ENPP1: variants seen among roughly 807,000 people sequenced by gnomAD.
ENPP1 encodes the protein ectonucleotide pyrophosphatase/phosphodiesterase 1, also known as ectonucleotide pyrophosphatase/phosphodiesterase family member 1.
In ENPP1, 73 loss-of-function variants were observed where a neutral mutation model predicts 122.8. The observed-to-expected ratio is 0.59, with a 90% confidence interval of 0.49 to 0.72. The LOEUF (loss-of-function observed/expected upper bound fraction) is 0.72. ENPP1 is among the 30% of genes least tolerant of loss of function. The probability of loss-of-function intolerance (pLI) is 0.00; values close to 1 mark genes in which losing one functional copy is unlikely to be tolerated. For missense variants in ENPP1, 978 were observed against 1,128.1 expected (o/e 0.87, Z 1.91); for synonymous variants, 367 against 391.6 (o/e 0.94, Z 0.74).
At chr6:131,856,666 A>G (rs1228915863) in intron 6 of ENPP1, among the ~76,000 whole-genome samples, 1 of 141,400 alleles carries the variant, frequency 7.1e-6, no homozygotes, top group Non-Finnish European at 1.5e-5. Context: ...TGATTTTTGT[A>G]TAAGGTGTAA....
intron 1 of ENPP1, among the ~76,000 whole-genome samples, chr6:131,823,906 T>C (rs1781512509): frequency 6.6e-6 from 1 of 151,030 alleles, no homozygotes; most frequent in South Asian, 2.1e-4. Context: ...ACCTCACAGG[T>C]TTGTTTTGAG....
In ENPP1 at chr6:131,808,242, C is replaced by T. The variant is rs1781305011; in HGVS notation, c.207C>T (p.Ala69=). 1 of 1,518,894 alleles carries T rather than the reference C, an allele frequency of 6.6e-7. No homozygotes were observed. The highest frequency in any genetic ancestry group is 8.8e-7 in the Non-Finnish European group (1 of 1,133,166). 94.1% of individuals were successfully genotyped at this position (1,518,894 alleles called of 1,614,324 possible). Residue 69 remains alanine (A), a synonymous_variant, in exon 1 of 25, where the codon GCC becomes GCT. Coordinates refer to ENST00000647893, the MANE Select transcript of ENPP1 (RefSeq NM_006208.3). The stretch of plus-strand genomic sequence containing the variant: ...AGAAGGCGGCGCGCGCCCGCACTGC[C>T]AAGGACCCCAACACCTATAAAGTAC... ...PLEKAARART[A]KDPNTYKVLS... is the part of the protein sequence containing the mutation.
chr6:131,828,370 TG>T, intron 1 of ENPP1: 1 of 401,084 alleles, frequency 2.5e-6, no homozygotes, highest in South Asian at 2.4e-5. Flanking sequence ...ATAAGATGAC[TG>T]GGTGTCTGCT....
At chr6:131,887,864 C>CTTTT (rs576073873) in intron 24 of ENPP1, among the ~76,000 whole-genome samples, 2 of 104,708 alleles carry the variant, frequency 1.9e-5, no homozygotes, top group African/African-American at 4.0e-5. Flanking sequence ...CGTGCCTGGC[C>CTTTT]TTTTTTTTTT....
intron 1 of ENPP1, among the ~76,000 whole-genome samples, chr6:131,844,218 T>C (rs1006081697): frequency 5.3e-5 from 8 of 152,252 alleles, no homozygotes; most frequent in Non-Finnish European, 1.2e-4. Flanking sequence ...TAGCTTTGCA[T>C]GATTCTCTGA....
chr6:131,886,823 A>ACTC, intron 24 of ENPP1, 99 bp downstream of exon 24: 1 of 913,006 alleles, frequency 1.1e-6, no homozygotes, highest in Non-Finnish European at 1.6e-6. Context: ...AGAAAGCACA[A>ACTC]CTGAGTACAC....
chr6:131,864,766 G>T, intron 10 of ENPP1, 100 bp from the exon 11 acceptor site: 2 of 872,688 alleles, frequency 2.3e-6, no homozygotes, highest in South Asian at 2.7e-5. Context: ...TGTTACACCA[G>T]TGTTATAAAA....
intron 1 of ENPP1, among the ~76,000 whole-genome samples, chr6:131,832,480 A>C (rs963806406): frequency 6.6e-6 from 1 of 152,180 alleles, no homozygotes; most frequent in Non-Finnish European, 1.5e-5. Context: ...AAGATCTGGG[A>C]GAAGGAGAAA....
chr6:131,886,797 C>A, intron 24 of ENPP1, 73 bp downstream of exon 24: 1 of 1,318,072 alleles, frequency 7.6e-7, no homozygotes, highest in Non-Finnish European at 1.1e-6. Flanking sequence ...TGTCACCCAT[C>A]TGACATTACA....
intron 1 of ENPP1, among the ~76,000 whole-genome samples, chr6:131,822,673 TAGAC>T (rs1781496970): frequency 6.6e-6 from 1 of 152,150 alleles, no homozygotes; most frequent in South Asian, 2.1e-4. Context: ...TTACCATTGA[TAGAC>T]AGCTTTCTAA....
chr6:131,847,947 AT>A, intron 2 of ENPP1, 99 bp downstream of exon 2: 1 of 904,646 alleles, frequency 1.1e-6, no homozygotes, highest in Admixed American at 2.0e-5. Flanking sequence ...ATTATCTCCT[AT>A]TCCTATGGGT....
At chr6:131,813,674 C>T (rs540898022) in intron 1 of ENPP1, among the ~76,000 whole-genome samples, 11 of 152,224 alleles carry the variant, frequency 7.2e-5, no homozygotes, top group African/African-American at 1.9e-4. Flanking sequence ...GACGTTTTCG[C>T]GGTCTTATTT....
At chr6:131,865,577 C>T (rs1782078164) in intron 11 of ENPP1, among the ~76,000 whole-genome samples, 1 of 152,218 alleles carries the variant, frequency 6.6e-6, no homozygotes, top group Admixed American at 6.5e-5. Context: ...CACTTTAAAA[C>T]AGCAAACACT....
rs1045159062 is a variant in ENPP1, at chr6:131,852,121, A to G, written c.557-54A>G. 60 of 1,171,470 alleles carry G rather than the reference A, an allele frequency of 5.1e-5. No individual in the cohort carries two copies. The African/African-American group carries it at 8.9e-4, about 17-fold the overall frequency. The allele number at this position is 1,171,470 out of a possible 1,614,324, so 72.6% of individuals were successfully genotyped here. On this transcript the variant is annotated intron_variant, in intron 4 of 24. Coordinates refer to ENST00000647893, the MANE Select transcript of ENPP1 (RefSeq NM_006208.3). ...TGTCTTAATGTGTCTCACAAGCATC[A>G]CAATTATTATTACTGTTAAGTGTGT...
intron 5 of ENPP1, among the ~76,000 whole-genome samples, chr6:131,853,789 G>C (rs7767502): frequency 0.31 from 46,794 of 151,982 alleles, 11,982 homozygotes; most frequent in African/African-American, 0.71. Context: ...CAGTGTTATA[G>C]AAGTTCCCTA....
Position 131,864,301 on chromosome 6 carries a change from C to T in ENPP1, c.1026-205C>T, listed in dbSNP as rs138556190. Among the ~76,000 whole-genome samples, 1,118 of 152,278 alleles carry T rather than the reference C, an allele frequency of 7.3e-3. 17 individuals carry two copies. Among genetic ancestry groups the T allele is most frequent in the African/African-American group, 0.025 (1,029 of 41,556 alleles). ...GAGGATAGCAAGCAAAGTTTTAAAT[C>T]CAATTGCAATTTTTATCTGTGTAAA... On this transcript the variant is annotated intron_variant, in intron 9 of 24. Coordinates refer to ENST00000647893, the MANE Select transcript of ENPP1 (RefSeq NM_006208.3).
chr6:131,836,763 GT>G (rs1200458755), intron 1 of ENPP1, among the ~76,000 whole-genome samples: 1 of 152,170 alleles, frequency 6.6e-6, no homozygotes, highest in African/African-American at 2.4e-5. Context: ...TTTGAAGCAT[GT>G]TTTTGTGGAC....
intron 1 of ENPP1, among the ~76,000 whole-genome samples, chr6:131,825,602 G>A (rs187153781): frequency 2.2e-4 from 34 of 152,224 alleles, no homozygotes; most frequent in Admixed American, 1.5e-3. Context: ...TGATATTATA[G>A]TTTTTAAAAA....
At chr6:131,830,326 C>T (rs1781595229) in intron 1 of ENPP1, among the ~76,000 whole-genome samples, 1 of 152,168 alleles carries the variant, frequency 6.6e-6, no homozygotes, top group Non-Finnish European at 1.5e-5. Context: ...GTGGGAGACC[C>T]TCTAGAGTGG....
Sources: gnomAD v4.1 joint callset for allele counts (sites outside exome capture counted in the v4.1 genomes callset) on GRCh38, gnomAD v4.1.1 for gene constraint, MANE v1.5 for transcripts, NCBI Gene and HGNC (gene_info 2026-07-23, HGNC 2026-07-21) for gene names.